PMM2: variants seen among roughly 807,000 people sequenced by gnomAD.
The protein encoded by PMM2 is phosphomannomutase 2, also known as mannose-6-phosphate isomerase.
A neutral mutation model predicts 33.2 loss-of-function variants in PMM2; 35 were observed. The observed-to-expected ratio is 1.06, with a 90% CI of 0.81 to 1.40. PMM2 has a LOEUF of 1.40. Among genes scored for constraint, PMM2 ranks in the 40% most tolerant of loss-of-function variants. PMM2 has a pLI of 0.00. For synonymous variants in PMM2, 153 were observed against 114.7 expected (o/e 1.33, Z -2.13); for missense variants, 386 against 306.0 (o/e 1.26, Z -1.95).
intron 7 of PMM2, among the ~76,000 whole-genome samples, chr16:8,830,998 G>A (rs2060806290): frequency 6.6e-6 from 1 of 152,210 alleles, no homozygotes; most frequent in Non-Finnish European, 1.5e-5. Flanking sequence ...AATTAGCCAG[G>A]TGTGGTGGTG....
At chr16:8,803,350 C>A (rs544844454) in intron 2 of PMM2, among the ~76,000 whole-genome samples, 7 of 152,178 alleles carry the variant, frequency 4.6e-5, no homozygotes, top group Non-Finnish European at 1.0e-4. Context: ...AATCCTGTTA[C>A]CTGCTCATGA....
At chr16:8,844,503 C>T (rs994199372) in intron 7 of PMM2, among the ~76,000 whole-genome samples, 32 of 151,940 alleles carry the variant, frequency 2.1e-4, no homozygotes, top group African/African-American at 6.3e-4. Flanking sequence ...TGCCCCTGCC[C>T]CAGAAAATCA....
intron 1 of PMM2, among the ~76,000 whole-genome samples, chr16:8,800,739 A>G (rs1223225064): frequency 6.7e-6 from 1 of 149,952 alleles, no homozygotes; most frequent in Non-Finnish European, 1.5e-5. Context: ...GCTGGAGTGC[A>G]GTGGCACGAT....
At chr16:8,816,884 G>A (rs2060711427) in intron 7 of PMM2, among the ~76,000 whole-genome samples, 2 of 152,194 alleles carry the variant, frequency 1.3e-5, no homozygotes, top group Non-Finnish European at 2.9e-5. Context: ...ATATGATCCA[G>A]CAGTTCCACT....
intron 7 of PMM2, among the ~76,000 whole-genome samples, chr16:8,813,686 C>T (rs1376933617): frequency 6.6e-6 from 1 of 151,860 alleles, no homozygotes; most frequent in African/African-American, 2.4e-5. Flanking sequence ...GAGAGCAGAG[C>T]CCAGTGTTAA....
In PMM2 at chr16:8,814,729, G is replaced by C. The variant is rs80209154; in HGVS notation, c.639+1623G>C. 4.3e-3 allele frequency among the ~76,000 whole-genome samples: 655 copies of C among 152,314 alleles called. 3 individuals carry two copies. Among genetic ancestry groups the C allele is most frequent in the African/African-American group, 0.015 (632 of 41,558 alleles). ...AGCTTTATTGAGGTATAATTGATCA[G>C]CAAAAGCTGTACATATTTAACGCTC... On this transcript the variant is annotated intron_variant, in intron 7 of 7. Transcript: ENST00000268261.
rs770370454 is a variant in PMM2, at chr16:8,825,204, G to C, written c.639+12098G>C. Among the ~76,000 whole-genome samples, 3 of 151,496 alleles carry C rather than the reference G, an allele frequency of 2.0e-5. No individual in the cohort carries two copies. In the East Asian group the frequency reaches 5.8e-4, roughly 29 times the overall value. ...TGCCACCACGCCTGGCTAATTTTTTGTATTTTTTAGTAGAGACGGGGTTTC... is the reference window on the plus strand; with the variant it reads ...TGCCACCACGCCTGGCTAATTTTTTCTATTTTTTAGTAGAGACGGGGTTTC... On this transcript the variant is annotated intron_variant, in intron 7 of 7. Transcript: ENST00000268261.
At chr16:8,833,715 G>A (rs966634856) in intron 7 of PMM2, among the ~76,000 whole-genome samples, 18 of 151,468 alleles carry the variant, frequency 1.2e-4, no homozygotes, top group African/African-American at 4.1e-4. Context: ...GTGATGGCCT[G>A]GATACGGTTT....
At position 8,847,705 on chromosome 16, in the gene PMM2, G is replaced by C. The variant is rs928264071; in HGVS notation, c.640-19G>C. On this transcript the variant is annotated intron_variant, in intron 7 of 7. Coordinates refer to ENST00000268261, the MANE Select transcript of PMM2 (RefSeq NM_000303.3). Reference sequence around the variant, plus strand: ...GACAGACGAGGGGGAGCCTTCATCTGTACTTCGTGTCTTTCCAGGGTGGCA... The same window carrying C: ...GACAGACGAGGGGGAGCCTTCATCTCTACTTCGTGTCTTTCCAGGGTGGCA... 4 of 1,584,968 alleles carry C rather than the reference G, an allele frequency of 2.5e-6. No homozygotes were observed. Among genetic ancestry groups the C allele is most frequent in the Non-Finnish European group, 2.6e-6 (3 of 1,153,578 alleles).
chr16:8,845,020 C>T (rs1017492090), intron 7 of PMM2, among the ~76,000 whole-genome samples: 7 of 152,176 alleles, frequency 4.6e-5, no homozygotes, highest in African/African-American at 1.7e-4. Context: ...TGAGTCACGG[C>T]ACCAAATTTC....
At chr16:8,800,393 T>G (rs2060606436) in intron 1 of PMM2, among the ~76,000 whole-genome samples, 1 of 151,380 alleles carries the variant, frequency 6.6e-6, no homozygotes, top group Non-Finnish European at 1.5e-5. Context: ...TCAGTGTAAA[T>G]GTACAACTGA....
chr16:8,811,733 T>G lies in PMM2; in HGVS notation c.523+20T>G, dbSNP rs1390003131. 6.5e-7 allele frequency: 1 copy of G among 1,544,472 alleles called. No individual in the cohort carries two copies. Among genetic ancestry groups the G allele is most frequent in the Non-Finnish European group, 9.0e-7 (1 of 1,116,630 alleles). ...CCATAGGTATTGTATATATTGCCTG[T>G]GTTCCAAACTTGGATACCCATTTCC... On this transcript the variant is annotated intron_variant, in intron 6 of 7. Transcript: ENST00000268261.
rs146512351 is a variant in PMM2, at chr16:8,833,670, A to T, written c.640-14054A>T. Among the ~76,000 whole-genome samples, 392 of 150,750 alleles carry T rather than the reference A, an allele frequency of 2.6e-3. 2 individuals carry two copies. The highest frequency in any genetic ancestry group is 9.3e-3 in the African/African-American group (382 of 40,964). Reference sequence around the variant, plus strand: ...TGTGGTAAGGGGTGATATTGTGGGGATGTTAGAAGAAACATCTGTCGTATA... The same window carrying T: ...TGTGGTAAGGGGTGATATTGTGGGGTTGTTAGAAGAAACATCTGTCGTATA... On this transcript the variant is annotated intron_variant, in intron 7 of 7. Coordinates refer to ENST00000268261, the MANE Select transcript of PMM2 (RefSeq NM_000303.3).
At chr16:8,844,047 C>G (rs2060907830) in intron 7 of PMM2, among the ~76,000 whole-genome samples, 1 of 152,152 alleles carries the variant, frequency 6.6e-6, no homozygotes, top group South Asian at 2.1e-4. Context: ...TCAGGCACCT[C>G]AGACTGTTTG....
intron 6 of PMM2, among the ~76,000 whole-genome samples, chr16:8,812,450 A>G (rs982548364): frequency 1.3e-5 from 2 of 152,248 alleles, no homozygotes; most frequent in African/African-American, 4.8e-5. Context: ...CAAAGGGATT[A>G]TATTTAACAG....
chr16:8,802,833 A>G (rs959111119), intron 2 of PMM2, among the ~76,000 whole-genome samples: 1 of 1,346 alleles, frequency 7.4e-4, no homozygotes, highest in Admixed American at 1.5e-3. Context: ...TCCGTCTTGG[A>G]AAAAAAAAAA....
rs34329070 is a variant in PMM2, at chr16:8,842,733, TGGG to T, written c.640-4987_640-4985del. Among the ~76,000 whole-genome samples, 24 of 152,118 alleles carry T rather than the reference TGGG, an allele frequency of 1.6e-4. No individual in the cohort carries two copies. The South Asian group carries it at 1.9e-3, about 12-fold the overall frequency. On this transcript the variant is annotated intron_variant, in intron 7 of 7. Coordinates refer to ENST00000268261, the MANE Select transcript of PMM2 (RefSeq NM_000303.3). Reference sequence around the variant, plus strand: ...TTGTCCGGTTTCTGGACAGGTAAAATGGGGGGATTATAAGAAGAGTTTATAGGT... The same window carrying T: ...TTGTCCGGTTTCTGGACAGGTAAAATGGGATTATAAGAAGAGTTTATAGGT...
chr16:8,837,669 C>T (rs1365881966), intron 7 of PMM2, among the ~76,000 whole-genome samples: 2 of 151,828 alleles, frequency 1.3e-5, no homozygotes, highest in African/African-American at 4.8e-5. Flanking sequence ...ACTTACCCCT[C>T]CCCTAGAAAA....
chr16:8,819,885 A>C (rs1203092979), intron 7 of PMM2, among the ~76,000 whole-genome samples: 1 of 152,180 alleles, frequency 6.6e-6, no homozygotes, highest in Non-Finnish European at 1.5e-5. Flanking sequence ...GGTCTCAGCT[A>C]GTCAGAGACT....
Sources: allele counts gnomAD v4.1 joint callset (sites outside exome capture counted in the v4.1 genomes callset), GRCh38; gene constraint gnomAD v4.1.1; transcripts MANE v1.5; gene names NCBI Gene and HGNC (gene_info 2026-07-23, HGNC 2026-07-21).